Variants in SH3RF3 observed in about 807,000 individuals in gnomAD.
SH3RF3 encodes SH3 domain containing ring finger 3.
Under a neutral mutation model 66.3 loss-of-function variants are expected in SH3RF3, and 29 were observed. The observed-to-expected ratio is 0.44, with a 90% CI of 0.33 to 0.60. SH3RF3 has a LOEUF of 0.60. Ranked by LOEUF, SH3RF3 falls within the 20% of genes least tolerant of loss-of-function variation. SH3RF3 has a pLI of 0.04. For missense variants in SH3RF3, 1,194 were observed against 1,190.9 expected, an observed-to-expected ratio of 1.00 and a Z score of -0.04; for synonymous variants, 583 against 532.0, an observed-to-expected ratio of 1.10 and a Z score of -1.32.
At chr2:109,347,626 AT>A in intron 1 of SH3RF3, 47 bp from the exon 2 acceptor site, 2 of 1,589,588 alleles carry the variant, frequency 1.3e-6, no homozygotes, top group Non-Finnish European at 1.7e-6. Flanking sequence ...ACTGTGGGGC[AT>A]TGGGAAGGGG....
intron 1 of SH3RF3, among the ~76,000 whole-genome samples, chr2:109,175,897 A>AT (rs1574488133): frequency 6.6e-6 from 1 of 152,118 alleles, no homozygotes; most frequent in South Asian, 2.1e-4. Context: ...GCACTAATTA[A>AT]TTTTTTTCCA....
At chr2:109,150,122 C>T (rs769177964) in intron 1 of SH3RF3, among the ~76,000 whole-genome samples, 1 of 152,130 alleles carries the variant, frequency 6.6e-6, no homozygotes, top group African/African-American at 2.4e-5. Context: ...AGAAGGCCAA[C>T]AAAAGGTGGT....
chr2:109,490,070 T>C (rs1477424807), intron 8 of SH3RF3, among the ~76,000 whole-genome samples: 1 of 152,184 alleles, frequency 6.6e-6, no homozygotes, highest in East Asian at 1.9e-4. Flanking sequence ...TTTGTTTTCC[T>C]CCTCTGAGCC....
chr2:109,501,447 G>A (rs557972770), intron 9 of SH3RF3, 56 bp from the exon 10 acceptor site: 5 of 718,584 alleles, frequency 7.0e-6, no homozygotes, highest in East Asian at 5.1e-5. Flanking sequence ...GAGAAAGCAC[G>A]ACCCAGCAGA....
chr2:109,468,543 G>A (rs12993941), intron 8 of SH3RF3, among the ~76,000 whole-genome samples: 11,662 of 152,140 alleles, frequency 0.077, 596 homozygotes, highest in Non-Finnish European at 0.12. Flanking sequence ...GAGCACAAAC[G>A]ATGACCAGTC....
intron 8 of SH3RF3, among the ~76,000 whole-genome samples, chr2:109,466,072 CTTTTTTTTTTTTTTT>C (rs1171998206): frequency 3.6e-5 from 3 of 82,386 alleles, no homozygotes; most frequent in South Asian, 5.6e-4. Flanking sequence ...ACCTGTACAT[CTTTTTTTTTTTTTTT>C]TTTTTTTTTT....
At chr2:109,313,933 G>A (rs992347706) in intron 1 of SH3RF3, among the ~76,000 whole-genome samples, 20 of 152,176 alleles carry the variant, frequency 1.3e-4, no homozygotes, top group Non-Finnish European at 2.1e-4. Context: ...GCAGGGTGCC[G>A]TGTTTGGACT....
At chr2:109,197,279 G>C (rs145282544) in intron 1 of SH3RF3, among the ~76,000 whole-genome samples, 1 of 152,206 alleles carries the variant, frequency 6.6e-6, no homozygotes, top group Non-Finnish European at 1.5e-5. Context: ...GGGATGCTGG[G>C]ATGCACTTGG....
Position 109,428,147 on chromosome 2 carries a change from C to T in SH3RF3, c.1404-4354C>T, listed in dbSNP as rs567882120. On this transcript the variant is annotated intron_variant, in intron 5 of 9. Transcript: ENST00000309415. ...GGAGGAAGCACACGCCTCCCTAATT[C>T]GAGCCAGCGTGGCCCTGGGAGAAAA... Among the ~76,000 whole-genome samples, 10 of 152,330 alleles carry T rather than the reference C, an allele frequency of 6.6e-5. No homozygotes were observed. In the East Asian group the frequency reaches 7.7e-4, roughly 12 times the overall value.
chr2:109,204,577 T>TC (rs1402629146), intron 1 of SH3RF3, among the ~76,000 whole-genome samples: 1 of 152,194 alleles, frequency 6.6e-6, no homozygotes, highest in Non-Finnish European at 1.5e-5. Context: ...TTCAGCAGCG[T>TC]CCCTGGCCTC....
At chr2:109,331,237 CA>C (rs1291798253) in intron 1 of SH3RF3, among the ~76,000 whole-genome samples, 1 of 152,104 alleles carries the variant, frequency 6.6e-6, no homozygotes, top group Non-Finnish European at 1.5e-5. Context: ...ATATTGTGTA[CA>C]GACCCCCACC....
At chr2:109,476,027 G>A (rs564972614) in intron 8 of SH3RF3, among the ~76,000 whole-genome samples, 7 of 152,326 alleles carry the variant, frequency 4.6e-5, no homozygotes, top group South Asian at 2.1e-4. Flanking sequence ...AGTAAGTCCT[G>A]GAGATCGGCT....
chr2:109,268,298 T>C (rs1680545406), intron 1 of SH3RF3, among the ~76,000 whole-genome samples: 1 of 151,536 alleles, frequency 6.6e-6, no homozygotes, highest in East Asian at 2.0e-4. Flanking sequence ...CCAGGTGGGA[T>C]TGGGGGACAG....
chr2:109,473,341 A>T (rs1406135805), intron 8 of SH3RF3, among the ~76,000 whole-genome samples: 1 of 152,182 alleles, frequency 6.6e-6, no homozygotes, highest in African/African-American at 2.4e-5. Flanking sequence ...GTGGCTGGTT[A>T]CCAAGCACAA....
chr2:109,352,890 C>T (rs1197962018), intron 2 of SH3RF3, among the ~76,000 whole-genome samples: 1 of 152,246 alleles, frequency 6.6e-6, no homozygotes, highest in Non-Finnish European at 1.5e-5. Flanking sequence ...CACAGATAAC[C>T]GTTTTGATTT....
At chr2:109,326,491 G>A (rs913914837) in intron 1 of SH3RF3, among the ~76,000 whole-genome samples, 3 of 152,092 alleles carry the variant, frequency 2.0e-5, no homozygotes, top group Admixed American at 6.5e-5. Context: ...TTCCTTCTGC[G>A]CCCTTGCCGA....
chr2:109,181,675 C>T (rs948850543), intron 1 of SH3RF3, among the ~76,000 whole-genome samples: 2 of 152,188 alleles, frequency 1.3e-5, no homozygotes. Context: ...ATTTCCCTCC[C>T]GGCCACAGGG....
chr2:109,279,919 T>TG, intron 1 of SH3RF3, among the ~76,000 whole-genome samples: 1 of 150,894 alleles, frequency 6.6e-6, no homozygotes, highest in South Asian at 2.1e-4. Context: ...TGGGAGGTAA[T>TG]TGGGGGGCGG....
At chr2:109,422,544 T>C (rs1303942169) in intron 5 of SH3RF3, among the ~76,000 whole-genome samples, 1 of 152,164 alleles carries the variant, frequency 6.6e-6, no homozygotes, top group East Asian at 1.9e-4. Flanking sequence ...ACCCAGTGCA[T>C]GGAGGCGACT....
Sources: allele counts gnomAD v4.1 joint callset (sites outside exome capture counted in the v4.1 genomes callset), GRCh38; gene constraint gnomAD v4.1.1; transcripts MANE v1.5; gene names NCBI Gene and HGNC (gene_info 2026-07-23, HGNC 2026-07-21).